RPIA: variants seen among roughly 807,000 people sequenced by gnomAD.
The protein encoded by RPIA is ribose-5-phosphate isomerase.
A neutral mutation model predicts 37.8 loss-of-function variants in RPIA; 29 were observed. The observed-to-expected ratio is 0.77, with a 90% CI of 0.57 to 1.05. The LOEUF is 1.05. RPIA is among the 50% of genes least tolerant of loss of function. RPIA has a pLI of 0.00. For synonymous variants in RPIA, 167 were observed against 157.0 expected, an observed-to-expected ratio of 1.06 and a Z score of -0.48; for missense variants, 385 against 413.6, an observed-to-expected ratio of 0.93 and a Z score of 0.60.
In RPIA at chr2:88,729,279, C is replaced by T. The variant is rs121918591; in HGVS notation, c.404C>T (p.Ala135Val). Residue 135 changes from alanine to valine, a missense_variant and splice_region_variant, in exon 4 of 9, where the codon GCC (alanine) becomes GTC (valine). Physicochemically the swap from Ala to Val is moderately conservative, Grantham distance 64 (BLOSUM62 0). Coordinates refer to ENST00000283646, the MANE Select transcript of RPIA (RefSeq NM_144563.3). ...NLVCIPTSFQ[A>V]RQLILQYGLT... is the part of the protein sequence containing the mutation. ...GTTGCTCTTCCCTGTCCTCCGCAGG[C>T]CCGCCAGCTCATCCTGCAGTATGGC... The T allele has an allele frequency of 8.7e-6, 14 of 1,614,028 alleles. No homozygotes were observed. The highest frequency in any genetic ancestry group is 1.2e-5 in the Non-Finnish European group (14 of 1,180,000).
At chr2:88,736,374 A>G (rs1304875492) in intron 6 of RPIA, among the ~76,000 whole-genome samples, 161 bp from the exon 7 acceptor site, 1 of 152,202 alleles carries the variant, frequency 6.6e-6, no homozygotes, top group African/African-American at 2.4e-5. Context: ...CTCTTTTCCT[A>G]TATAGTGAAA....
At chr2:88,692,887 A>C (rs912802100) in intron 1 of RPIA, among the ~76,000 whole-genome samples, 11 of 152,206 alleles carry the variant, frequency 7.2e-5, no homozygotes, top group Non-Finnish European at 1.6e-4. Context: ...GAGCTTCACC[A>C]CAGCCTGTTT....
chr2:88,748,775 A>T (rs534050754), intron 8 of RPIA, among the ~76,000 whole-genome samples: 1 of 152,254 alleles, frequency 6.6e-6, no homozygotes, highest in East Asian at 1.9e-4. Flanking sequence ...ACAGTGGCAT[A>T]ATCATGGCTC....
At chr2:88,714,535 T>A (rs1673009217) in intron 3 of RPIA, among the ~76,000 whole-genome samples, 1 of 152,162 alleles carries the variant, frequency 6.6e-6, no homozygotes, top group Admixed American at 6.6e-5. Flanking sequence ...AGATGAGGAT[T>A]GTCTGTCAGG....
intron 8 of RPIA, among the ~76,000 whole-genome samples, chr2:88,739,095 G>A (rs1328958191): frequency 6.6e-6 from 1 of 152,200 alleles, no homozygotes; most frequent in Non-Finnish European, 1.5e-5. Context: ...TGAGGCTGGA[G>A]TCCTGGTCCA....
chr2:88,715,230 A>G (rs944647823), intron 3 of RPIA, among the ~76,000 whole-genome samples: 1 of 152,206 alleles, frequency 6.6e-6, no homozygotes, highest in Non-Finnish European at 1.5e-5. Context: ...AGATGATTGG[A>G]AAGAGTGCAG....
intron 3 of RPIA, among the ~76,000 whole-genome samples, chr2:88,726,968 G>T (rs1473371580): frequency 6.6e-6 from 1 of 152,132 alleles, no homozygotes; most frequent in Non-Finnish European, 1.5e-5. Context: ...TGAACTCCTG[G>T]CCTCAAGTGA....
chr2:88,700,105 G>A (rs377567262), intron 3 of RPIA, 41 bp downstream of exon 3: 283 of 1,597,630 alleles, frequency 1.8e-4, no homozygotes, highest in Non-Finnish European at 2.3e-4. Context: ...AGCTTCTGCT[G>A]TATCTTCTGG....
At position 88,691,725 on chromosome 2, in the gene RPIA, C is replaced by T. The variant is rs530951702; in HGVS notation, c.27C>T (p.Thr9=). Residue 9 remains threonine (T), a synonymous_variant, in exon 1 of 9, where the codon ACC becomes ACT. Transcript: ENST00000283646. Reference sequence around the variant, plus strand: ...TGCAGCGCCCCGGGCCCTTCAGCACCCTCTACGGGCGGGTCTTGGCCCCGC... The same window carrying T: ...TGCAGCGCCCCGGGCCCTTCAGCACTCTCTACGGGCGGGTCTTGGCCCCGC... MQRPGPFS[T]LYGRVLAPLP... 1.1e-5 allele frequency: 18 copies of T among 1,590,658 alleles called. No homozygotes were observed. Among genetic ancestry groups the T allele is most frequent in the Middle Eastern group, 2.3e-4 (1 of 4,414 alleles).
intron 3 of RPIA, among the ~76,000 whole-genome samples, chr2:88,702,041 C>T (rs1056441988): frequency 7.9e-5 from 12 of 152,106 alleles, no homozygotes; most frequent in Non-Finnish European, 1.3e-4. Context: ...AAATTTCCTC[C>T]CTTTGTATTT....
At chr2:88,724,360 G>T (rs922386028) in intron 3 of RPIA, among the ~76,000 whole-genome samples, 2 of 152,066 alleles carry the variant, frequency 1.3e-5, no homozygotes, top group African/African-American at 4.8e-5. Flanking sequence ...AGGCTGGAGT[G>T]CAGTGGTGTG....
intron 8 of RPIA, among the ~76,000 whole-genome samples, chr2:88,748,858 G>A (rs1172560097): frequency 6.6e-6 from 1 of 152,058 alleles, no homozygotes; most frequent in Non-Finnish European, 1.5e-5. Flanking sequence ...CTGCAGGCAT[G>A]TGCCAGCATG....
rs1217084198 is a variant in RPIA at position 88,691,734 on chromosome 2, G to A, written c.36G>A (p.Gly12=). The change falls in exon 1 of 9, where the codon GGG becomes GGA. Residue 12 remains glycine (G), a synonymous_variant. Coordinates refer to ENST00000283646, the MANE Select transcript of RPIA (RefSeq NM_144563.3). ...CCGGGCCCTTCAGCACCCTCTACGG[G>A]CGGGTCTTGGCCCCGCTGCCCGGGA... The part of the protein sequence containing the change: ...QRPGPFSTLY[G]RVLAPLPGRA... The A allele has an allele frequency of 6.3e-7, 1 of 1,594,112 alleles. No individual in the cohort carries two copies. Among genetic ancestry groups the A allele is most frequent in the Admixed American group, 1.7e-5 (1 of 59,338 alleles).
intron 8 of RPIA, among the ~76,000 whole-genome samples, chr2:88,740,799 T>C (rs188176813): frequency 4.9e-4 from 75 of 152,346 alleles, no homozygotes; most frequent in Non-Finnish European, 8.8e-4. Flanking sequence ...CTGCTCTTTC[T>C]TTAAAGCCTT....
At chr2:88,695,533 C>T (rs1164898728) in intron 1 of RPIA, among the ~76,000 whole-genome samples, 1 of 152,198 alleles carries the variant, frequency 6.6e-6, no homozygotes, top group African/African-American at 2.4e-5. Context: ...AGTTTTTCCA[C>T]ACTCAGACAT....
chr2:88,709,130 A>C (rs921746177), intron 3 of RPIA, among the ~76,000 whole-genome samples: 1 of 152,244 alleles, frequency 6.6e-6, no homozygotes, highest in African/African-American at 2.4e-5. Flanking sequence ...ACACAATGAA[A>C]ATGTTGGAAA....
intron 3 of RPIA, among the ~76,000 whole-genome samples, chr2:88,703,392 G>A (rs1672857881): frequency 6.6e-6 from 1 of 152,186 alleles, no homozygotes; most frequent in Non-Finnish European, 1.5e-5. Context: ...GGGCATCCAG[G>A]TGTTTCCATA....
At chr2:88,723,774 C>T (rs951246256) in intron 3 of RPIA, among the ~76,000 whole-genome samples, 5 of 152,066 alleles carry the variant, frequency 3.3e-5, no homozygotes, top group Non-Finnish European at 7.4e-5. Context: ...GTCCTGACGA[C>T]ATGTGCCCAA....
rs1362514173 is a variant in RPIA, at chr2:88,729,328, A to G, written c.453A>G (p.Arg151=). 2 of 1,614,156 alleles carry G rather than the reference A, an allele frequency of 1.2e-6. No homozygotes were observed. The highest frequency in any genetic ancestry group is 1.3e-5 in the African/African-American group (1 of 75,040). The change falls in exon 4 of 9, where the codon CGA becomes CGG. Residue 151 remains arginine (R), a synonymous_variant. Transcript: ENST00000283646. ...GCTTGACCCTCAGTGATCTGGATCG[A>G]CACCCAGAGGTAAGATTGCCACTCA... ...QYGLTLSDLD[R]HPEIDLAIDG... is the part of the protein sequence containing the mutation.
Sources: allele counts gnomAD v4.1 joint callset (sites outside exome capture counted in the v4.1 genomes callset), GRCh38; gene constraint gnomAD v4.1.1; transcripts MANE v1.5; gene names NCBI Gene and HGNC (gene_info 2026-07-23, HGNC 2026-07-21).